The following TTC6 variants were observed in gnomAD, a reference collection of about 807,000 sequenced individuals.
The protein encoded by TTC6 is tetratricopeptide repeat domain 6.
Under a neutral mutation model 210.4 loss-of-function variants are expected in TTC6, and 172 were observed. The ratio of observed to expected loss-of-function variants is 0.82; its 90% CI spans 0.72 to 0.93. TTC6 has a LOEUF of 0.93. Ranked by LOEUF, TTC6 falls within the 40% of genes least tolerant of loss-of-function variation. The pLI is 0.00. For synonymous variants in TTC6, 804 were observed against 819.6 expected (o/e 0.98, Z 0.32); for missense variants, 2,414 against 2,318.1 (o/e 1.04, Z -0.85).
chr14:37,714,437 A>G (rs2095849279), intron 5 of TTC6, among the ~76,000 whole-genome samples: 1 of 152,132 alleles, frequency 6.6e-6, no homozygotes. Context: ...ATGAAACAAA[A>G]CCATCATAAA....
At chr14:37,653,295 C>T (rs34472406) in intron 1 of TTC6, among the ~76,000 whole-genome samples, 9,024 of 152,252 alleles carry the variant, frequency 0.059, 369 homozygotes, top group Non-Finnish European at 0.087. Context: ...CATTTATTTG[C>T]GATGGATCCT....
chr14:37,750,791 G>A (rs1490506650), intron 12 of TTC6, among the ~76,000 whole-genome samples: 2 of 152,128 alleles, frequency 1.3e-5, no homozygotes, highest in Non-Finnish European at 2.9e-5. Context: ...TTAGGAGGCT[G>A]ATGTGGGAGG....
intron 26 of TTC6, 139 bp from the exon 29 acceptor site, chr14:37,823,608 A>G (rs1431283407): frequency 2.6e-6 from 2 of 758,992 alleles, no homozygotes; most frequent in Non-Finnish European, 4.2e-6. Flanking sequence ...CCTACCTCCT[A>G]CAATGGGTAA....
At chr14:37,800,938 A>G (rs1379197957) in intron 20 of TTC6, among the ~76,000 whole-genome samples, 2 of 152,278 alleles carry the variant, frequency 1.3e-5, no homozygotes, top group East Asian at 1.9e-4. Flanking sequence ...AACCTTTCAT[A>G]AAAAAGGAAA....
chr14:37,665,862 A>G (rs2095746944), intron 1 of TTC6, among the ~76,000 whole-genome samples: 1 of 150,398 alleles, frequency 6.6e-6, no homozygotes, highest in Non-Finnish European at 1.5e-5. Flanking sequence ...AGGCTGCACC[A>G]GGAACTGAGA....
intron 14 of TTC6, among the ~76,000 whole-genome samples, chr14:37,754,520 C>T (rs868359143): frequency 6.6e-6 from 1 of 151,930 alleles, no homozygotes; most frequent in Non-Finnish European, 1.5e-5. Flanking sequence ...GCAACCTCTG[C>T]CTGCTGGGTT....
intron 1 of TTC6, among the ~76,000 whole-genome samples, chr14:37,656,158 G>C (rs61988005): frequency 0.2 from 29,669 of 152,090 alleles, 3,266 homozygotes; most frequent in South Asian, 0.27. Flanking sequence ...AAACCATCTT[G>C]AATCAAAAAT....
At chr14:37,695,026 T>C (rs1021213193) in intron 3 of TTC6, among the ~76,000 whole-genome samples, 1 of 119,334 alleles carries the variant, frequency 8.4e-6, no homozygotes, top group Non-Finnish European at 1.6e-5. Flanking sequence ...GGGCTACAGA[T>C]TGAGGCCCTG....
chr14:37,812,519 C>T (rs1253005122), intron 25 of TTC6, 86 bp downstream of exon 27: 2 of 1,286,910 alleles, frequency 1.6e-6, no homozygotes, highest in African/African-American at 3.0e-5. Flanking sequence ...TATCAACTGG[C>T]AATATTAATG....
rs528387431 is a variant in TTC6 at position 37,797,628 on chromosome 14, A to G, written c.4029+681A>G. 5.3e-5 allele frequency among the ~76,000 whole-genome samples: 8 copies of G among 151,896 alleles called. No individual in the cohort carries two copies. The East Asian group carries it at 1.2e-3, about 22-fold the overall frequency. Reference sequence around the variant, plus strand: ...GTGTCTTCTGATGAACAAAACTTCTAAAGTTTAATGTAGTAATATGTCTAT... The same window carrying G: ...GTGTCTTCTGATGAACAAAACTTCTGAAGTTTAATGTAGTAATATGTCTAT... On this transcript the variant is annotated intron_variant, in intron 20 of 30. Transcript: ENST00000553443.
At chr14:37,682,376 G>GA (rs138757360) in intron 2 of TTC6, among the ~76,000 whole-genome samples, 26 of 145,870 alleles carry the variant, frequency 1.8e-4, no homozygotes, top group Non-Finnish European at 2.6e-4. Context: ...TTGTGATATG[G>GA]AAAAAAAAAA....
chr14:37,652,761 C>T (rs2095715308), intron 1 of TTC6, among the ~76,000 whole-genome samples: 1 of 152,110 alleles, frequency 6.6e-6, no homozygotes, highest in Non-Finnish European at 1.5e-5. Flanking sequence ...TTTGTTGATT[C>T]CTATTATGGA....
intron 14 of TTC6, among the ~76,000 whole-genome samples, chr14:37,778,322 T>C (rs903515498): frequency 4.1e-5 from 6 of 147,722 alleles, no homozygotes; most frequent in African/African-American, 7.3e-5. Flanking sequence ...CGTGTTCTTA[T>C]GGTGGCAGTG....
chr14:37,642,987 TA>T (rs960340691), intron 1 of TTC6, among the ~76,000 whole-genome samples: 5 of 152,202 alleles, frequency 3.3e-5, no homozygotes, highest in Admixed American at 2.6e-4. Context: ...GAAATGTCAC[TA>T]TGTGGCACAC....
intron 1 of TTC6, among the ~76,000 whole-genome samples, chr14:37,641,877 A>G (rs1188936479): frequency 1.3e-5 from 2 of 152,212 alleles, no homozygotes; most frequent in African/African-American, 2.4e-5. Context: ...ACTGAGACCC[A>G]GTGAGGAAAG....
chr14:37,838,931 G>T (rs2096204010), intron 29 of TTC6, among the ~76,000 whole-genome samples: 1 of 152,082 alleles, frequency 6.6e-6, no homozygotes, highest in African/African-American at 2.4e-5. Flanking sequence ...GTGTTACTTT[G>T]CTGAGAATGA....
At chr14:37,837,484 A>T (rs1407668781) in intron 29 of TTC6, 5 of 444,260 alleles carry the variant, frequency 1.1e-5, no homozygotes, top group Admixed American at 7.5e-5. Context: ...GATGGATTTT[A>T]CATCTTGAAC....
intron 20 of TTC6, among the ~76,000 whole-genome samples, chr14:37,799,697 T>C (rs78239630): frequency 0.025 from 3,800 of 152,258 alleles, 154 homozygotes; most frequent in African/African-American, 0.081. Flanking sequence ...GCTGTGGCCT[T>C]GAGGACCTCA....
At chr14:37,701,683 A>T (rs1371442009) in intron 5 of TTC6, among the ~76,000 whole-genome samples, 157 bp downstream of exon 7, 4 of 152,170 alleles carry the variant, frequency 2.6e-5, no homozygotes, top group Admixed American at 6.6e-5. Flanking sequence ...TCAGGTATAC[A>T]GTCTAGGTCT....
Sources: gnomAD v4.1 joint callset for allele counts (sites outside exome capture counted in the v4.1 genomes callset) on GRCh38, gnomAD v4.1.1 for gene constraint, MANE v1.5 for transcripts, NCBI Gene and HGNC (gene_info 2026-07-23, HGNC 2026-07-21) for gene names.